The following WIPF3 variants were observed in gnomAD, a reference collection of about 807,000 sequenced individuals.
WIPF3 encodes WAS/WASL-interacting protein family member 3.
A neutral mutation model predicts 38.9 loss-of-function variants in WIPF3; 33 were observed. The ratio of observed to expected loss-of-function variants is 0.85; its 90% confidence interval spans 0.64 to 1.14. The LOEUF (loss-of-function observed/expected upper bound fraction) is 1.14. Among genes scored for constraint, WIPF3 ranks in the 50% most tolerant of loss-of-function variants. The pLI is 0.00. For missense variants in WIPF3, 711 were observed against 652.5 expected (o/e 1.09, Z -0.98); for synonymous variants, 324 against 269.3 (o/e 1.20, Z -1.99).
At chr7:29,816,164 A>G (rs1411845654) in intron 1 of WIPF3, among the ~76,000 whole-genome samples, 1 of 152,186 alleles carries the variant, frequency 6.6e-6, no homozygotes, top group Non-Finnish European at 1.5e-5. Context: ...TTGCTTATTA[A>G]TTTTTTGAAT....
chr7:29,832,096 C>T (rs1583594963), intron 1 of WIPF3, among the ~76,000 whole-genome samples: 1 of 152,190 alleles, frequency 6.6e-6, no homozygotes, highest in African/African-American at 2.4e-5. Flanking sequence ...ATTTCTGTCT[C>T]CTGTCATGTG....
chr7:29,892,536 C>G (rs539858736), intron 7 of WIPF3, among the ~76,000 whole-genome samples: 2 of 152,348 alleles, frequency 1.3e-5, no homozygotes, highest in South Asian at 2.1e-4. Flanking sequence ...ATGCCTGGCA[C>G]TGTTCTAGGT....
chr7:29,884,484 C>T lies in WIPF3; in HGVS notation c.990C>T (p.Ser330=). The change falls in exon 5 of 9, where the codon TCC becomes TCT. Residue 330 remains serine (S), a synonymous_variant. Transcript: ENST00000242140. The stretch of plus-strand genomic sequence containing the variant: ...CTCCACCCCCGCTACCCCCTAAATC[C>T]CCCAGCTTCCAGGCCCCACCGCAGA... ...SETPPPLPPK[S]PSFQAPPQKA... 6.4e-7 allele frequency: 1 copy of T among 1,570,260 alleles called. No homozygotes were observed. The highest frequency in any genetic ancestry group is 8.6e-7 in the Non-Finnish European group (1 of 1,158,990).
At position 29,844,852 on chromosome 7, in the gene WIPF3, G is replaced by A. The variant is rs990343953; in HGVS notation, c.90+10038G>A. ...GCTATTATTGGGACTCTGGCCGAACGGCTCCCGGCTGTGCTCTGAAGCGCT... is the reference window on the plus strand; with the variant it reads ...GCTATTATTGGGACTCTGGCCGAACAGCTCCCGGCTGTGCTCTGAAGCGCT... On this transcript the variant is annotated intron_variant, in intron 2 of 8. Transcript: ENST00000242140. This position sits in a 1 kb window ranked among gnomAD's most constrained non-coding sequence, Gnocchi z 4.8. Among the ~76,000 whole-genome samples, 21 of 152,238 alleles carry A rather than the reference G, an allele frequency of 1.4e-4. No homozygotes were observed. Among genetic ancestry groups the A allele is most frequent in the Admixed American group, 7.8e-4 (12 of 15,304 alleles).
intron 2 of WIPF3, among the ~76,000 whole-genome samples, chr7:29,840,308 A>G (rs1299096388): frequency 6.6e-6 from 1 of 152,138 alleles, no homozygotes; most frequent in Non-Finnish European, 1.5e-5. Context: ...GGAGTCTCCT[A>G]CTTAAGGCCT....
chr7:29,809,824 AT>A (rs1784342769), intron 1 of WIPF3, among the ~76,000 whole-genome samples: 1 of 152,202 alleles, frequency 6.6e-6, no homozygotes, highest in Non-Finnish European at 1.5e-5. Flanking sequence ...AGCGGGCATT[AT>A]GTGGGCCAGG....
rs1018688208 is a variant in WIPF3 at position 29,914,731 on chromosome 7, T to C, written c.*215T>C. ...TTTAAAACACCCCTCATTTTTCCATTTTTTGCATTGCATCTTGGCATTTGT... is the reference window on the plus strand; with the variant it reads ...TTTAAAACACCCCTCATTTTTCCATCTTTTGCATTGCATCTTGGCATTTGT... On this transcript the variant is annotated 3_prime_UTR_variant, in exon 9 of 9. Transcript: ENST00000242140. 7 of 386,926 alleles carry C rather than the reference T, an allele frequency of 1.8e-5. No individual in the cohort carries two copies. The highest frequency in any genetic ancestry group is 1.5e-4 in the African/African-American group (7 of 47,562). 24.0% of individuals were successfully genotyped at this position (386,926 alleles called of 1,614,324 possible). A position where few individuals can be genotyped will look rare whatever the true frequency, so the allele number is the denominator to read the frequency against.
intron 7 of WIPF3, among the ~76,000 whole-genome samples, chr7:29,895,148 C>T (rs1786110873): frequency 6.6e-6 from 1 of 152,052 alleles, no homozygotes; most frequent in African/African-American, 2.4e-5. Context: ...ATCCTGTTGG[C>T]CAGGCTGGGC....
At chr7:29,828,710 C>T (rs544881384) in intron 1 of WIPF3, among the ~76,000 whole-genome samples, 5 of 152,292 alleles carry the variant, frequency 3.3e-5, no homozygotes, top group African/African-American at 9.6e-5. Context: ...GTCCCGCCTG[C>T]GCTCTTTCAC....
At chr7:29,877,069 A>G (rs1197443224) in intron 3 of WIPF3, among the ~76,000 whole-genome samples, 1 of 152,244 alleles carries the variant, frequency 6.6e-6, no homozygotes, top group Non-Finnish European at 1.5e-5. Flanking sequence ...CCTCATGTGA[A>G]TGATGAAGAT....
chr7:29,884,023 C>A lies in WIPF3; in HGVS notation c.529C>A (p.Pro177Thr). ...PRPNVPAPPP[P>T]TPPPPPPPLP... ...CCCCAACGTGCCTGCCCCGCCCCCT[C>A]CCACCCCACCCCCTCCGCCTCCACC... The change falls in exon 5 of 9, where the codon CCC becomes ACC. Residue 177 changes from proline (P) to threonine (T), a missense_variant. Coordinates refer to ENST00000242140, the MANE Select transcript of WIPF3 (RefSeq NM_001080529.3). The A allele has an allele frequency of 7.6e-7, 1 of 1,321,984 alleles. No homozygotes were observed. Among genetic ancestry groups the A allele is most frequent in the South Asian group, 1.4e-5 (1 of 69,938 alleles). 81.9% of individuals were successfully genotyped at this position (1,321,984 alleles called of 1,614,324 possible).
chr7:29,904,255 T>TA, intron 7 of WIPF3, 31 bp from the exon 8 acceptor site: 1 of 1,610,996 alleles, frequency 6.2e-7, no homozygotes, highest in Non-Finnish European at 8.5e-7. Flanking sequence ...CCTGGGCCAA[T>TA]AGATAATGAG....
intron 7 of WIPF3, among the ~76,000 whole-genome samples, chr7:29,895,138 A>G (rs902481664): frequency 2.0e-5 from 3 of 151,866 alleles, no homozygotes; most frequent in African/African-American, 7.3e-5. Flanking sequence ...ACAGGGTTTC[A>G]TCCTGTTGGC....
At chr7:29,832,326 G>A (rs180861009) in intron 1 of WIPF3, among the ~76,000 whole-genome samples, 3 of 151,878 alleles carry the variant, frequency 2.0e-5, no homozygotes, top group Non-Finnish European at 4.4e-5. Context: ...TAAATTGTGG[G>A]CCTGCATCCA....
intron 8 of WIPF3, among the ~76,000 whole-genome samples, chr7:29,907,859 T>C (rs1405103744): frequency 1.3e-5 from 2 of 151,942 alleles, no homozygotes; most frequent in East Asian, 1.9e-4. Context: ...ACACAGAAAA[T>C]AGCTATAGAA....
chr7:29,876,183 A>T (rs1419210501), intron 3 of WIPF3, among the ~76,000 whole-genome samples: 1 of 152,262 alleles, frequency 6.6e-6, no homozygotes, highest in East Asian at 1.9e-4. Context: ...TTCATATGCT[A>T]AAAAGAACAA....
At chr7:29,870,305 A>G (rs1021315050) in intron 2 of WIPF3, among the ~76,000 whole-genome samples, 7 of 152,296 alleles carry the variant, frequency 4.6e-5, no homozygotes, top group East Asian at 1.9e-4. Flanking sequence ...TTAATGATAC[A>G]TCTTTTATAA....
intron 2 of WIPF3, among the ~76,000 whole-genome samples, chr7:29,839,368 G>T (rs779799920): frequency 1.3e-5 from 2 of 152,216 alleles, no homozygotes; most frequent in East Asian, 1.9e-4. Flanking sequence ...GTGAAAGGTT[G>T]TGGGGGAAAA....
intron 7 of WIPF3, among the ~76,000 whole-genome samples, chr7:29,890,751 G>C (rs1785991307): frequency 1.3e-5 from 2 of 150,328 alleles, no homozygotes; most frequent in South Asian, 4.3e-4. Context: ...TGCTCAGGTG[G>C]AGGGGGCTCA....
Sources: gnomAD v4.1 joint callset for allele counts (sites outside exome capture counted in the v4.1 genomes callset) on GRCh38, gnomAD v4.1.1 for gene constraint, Gnocchi (gnomAD v3.1) non-coding constraint, MANE v1.5 for transcripts, NCBI Gene and HGNC (gene_info 2026-07-23, HGNC 2026-07-21) for gene names.